Variants in PVT1 observed in about 807,000 individuals in gnomAD.
The protein encoded by PVT1 is CXCR4/PVT1 fusion.
intron 2 of PVT1, among the ~76,000 whole-genome samples, chr8:127,852,720 T>C (rs1815117859): frequency 1.3e-5 from 2 of 152,184 alleles, no homozygotes; most frequent in Admixed American, 1.3e-4. Context: ...TTATTGGTCC[T>C]TTATTACTAT....
intron 3 of PVT1, among the ~76,000 whole-genome samples, chr8:127,924,508 ATTTT>A (rs140569442): frequency 2.9e-4 from 27 of 92,186 alleles, no homozygotes; most frequent in South Asian, 7.4e-4. Context: ...TAACTTTTGT[ATTTT>A]TTTTTTTTTT....
intron 4 of PVT1, chr8:128,049,349 G>C: frequency 8.6e-6 from 3 of 349,988 alleles, no homozygotes; most frequent in South Asian, 6.4e-5. Flanking sequence ...GTGTGATGAC[G>C]CATGCCCAGC....
chr8:128,028,661 C>T (rs765166934), intron 4 of PVT1, among the ~76,000 whole-genome samples: 20 of 152,110 alleles, frequency 1.3e-4, no homozygotes, highest in African/African-American at 2.2e-4. Flanking sequence ...CCCAGTTCAC[C>T]GGCACAGTGA....
At chr8:128,025,130 G>A (rs1390107269) in intron 4 of PVT1, among the ~76,000 whole-genome samples, 1 of 152,242 alleles carries the variant, frequency 6.6e-6, no homozygotes, top group Non-Finnish European at 1.5e-5. Flanking sequence ...CCAGGGAGCT[G>A]TTTGGGCTGG....
At chr8:127,997,340 C>T (rs1260928427) in intron 4 of PVT1, among the ~76,000 whole-genome samples, 2 of 152,038 alleles carry the variant, frequency 1.3e-5, no homozygotes, top group Admixed American at 6.6e-5. Context: ...CGAGCCTGGC[C>T]GCTTCCGGTC....
intron 4 of PVT1, among the ~76,000 whole-genome samples, chr8:128,020,055 G>A (rs1321884619): frequency 1.3e-5 from 1 of 75,272 alleles, no homozygotes; most frequent in Non-Finnish European, 2.6e-5. Flanking sequence ...CCTCACTGAG[G>A]CTGGGTAAAG....
intron 4 of PVT1, among the ~76,000 whole-genome samples, chr8:127,992,912 C>T (rs908322218): frequency 1.3e-5 from 2 of 152,216 alleles, no homozygotes; most frequent in Non-Finnish European, 2.9e-5. Flanking sequence ...TCAAGGGATA[C>T]AAGCCAGCAC....
intron 2 of PVT1, among the ~76,000 whole-genome samples, chr8:127,801,571 T>C (rs982167202): frequency 5.3e-5 from 8 of 152,152 alleles, no homozygotes; most frequent in Non-Finnish European, 7.3e-5. Flanking sequence ...GGAAAGTAAT[T>C]TGATCTGACT....
Position 127,900,091 on chromosome 8 carries a change from G to A in PVT1, n.782+9093G>A, listed in dbSNP as rs192412105. 3.1e-3 allele frequency among the ~76,000 whole-genome samples: 469 copies of A among 152,006 alleles called. 4 individuals are homozygous for A. The highest frequency in any genetic ancestry group is 0.01 in the African/African-American group (427 of 41,466). ...CAGTCTCGCTCTGTTGCCCAGGCTG[G>A]AATGCAGTGGTGCAATCTCAGCTCA... On this transcript the variant is annotated intron_variant and non_coding_transcript_variant, in intron 3 of 10. Coordinates refer to ENST00000651587, the Ensembl canonical transcript of PVT1.
chr8:128,078,321 C>T (rs1319360437), intron 5 of PVT1, among the ~76,000 whole-genome samples: 2 of 152,162 alleles, frequency 1.3e-5, no homozygotes, highest in Non-Finnish European at 2.9e-5. Flanking sequence ...TCCTTGTTCT[C>T]TAAATTATTT....
chr8:127,950,006 G>T (rs907390747), intron 3 of PVT1, among the ~76,000 whole-genome samples: 2 of 152,256 alleles, frequency 1.3e-5, no homozygotes, highest in African/African-American at 4.8e-5. Flanking sequence ...TCCTGGAAAA[G>T]CTGTGTGCCA....
chr8:127,854,241 C>T (rs1173369271), intron 2 of PVT1, among the ~76,000 whole-genome samples: 3 of 152,218 alleles, frequency 2.0e-5, no homozygotes, highest in African/African-American at 2.4e-5. Flanking sequence ...CGGCAGTGGG[C>T]ACAGGCGGAG....
At chr8:127,952,562 A>G (rs527972910) in intron 3 of PVT1, among the ~76,000 whole-genome samples, 2 of 152,284 alleles carry the variant, frequency 1.3e-5, no homozygotes, top group East Asian at 1.9e-4. Context: ...TTTTCTTTAA[A>G]CACCCTATTC....
intron 2 of PVT1, among the ~76,000 whole-genome samples, chr8:127,796,472 AGTT>A (rs1373331622): frequency 6.6e-6 from 1 of 151,768 alleles, no homozygotes; most frequent in African/African-American, 2.4e-5. Flanking sequence ...CCTGTTCTTT[AGTT>A]GTTTTTTTTT....
chr8:128,044,810 G>T (rs1308015648), intron 4 of PVT1, among the ~76,000 whole-genome samples: 8 of 152,204 alleles, frequency 5.3e-5, no homozygotes, highest in African/African-American at 1.9e-4. Context: ...TTAGCACATT[G>T]TGTTGTACTT....
At chr8:127,832,243 T>G (rs1814858542) in intron 2 of PVT1, among the ~76,000 whole-genome samples, 1 of 152,180 alleles carries the variant, frequency 6.6e-6, no homozygotes, top group Non-Finnish European at 1.5e-5. Context: ...AGGATCTGAA[T>G]GACATCTCTA....
intron 2 of PVT1, among the ~76,000 whole-genome samples, chr8:127,847,724 A>G (rs538062529): frequency 2.2e-4 from 33 of 152,210 alleles, no homozygotes; most frequent in African/African-American, 6.0e-4. Flanking sequence ...AGCGGGGAGT[A>G]TGGCATGCCA....
intron 5 of PVT1, among the ~76,000 whole-genome samples, chr8:128,075,450 T>TTA (rs1554609780): frequency 2.8e-4 from 40 of 144,200 alleles, no homozygotes; most frequent in East Asian, 8.5e-4. Flanking sequence ...CTCCTTTTTT[T>TTA]AAAAAAAAAT....
chr8:127,980,036 C>G (rs545265971), intron 3 of PVT1, among the ~76,000 whole-genome samples: 1 of 145,320 alleles, frequency 6.9e-6, no homozygotes, highest in African/African-American at 2.4e-5. Flanking sequence ...CATACCACAG[C>G]ATCCGGCTAA....
Sources: allele counts gnomAD v4.1 joint callset (sites outside exome capture counted in the v4.1 genomes callset), GRCh38; gene constraint gnomAD v4.1.1; transcripts MANE v1.5; gene names NCBI Gene and HGNC (gene_info 2026-07-23, HGNC 2026-07-21).